The following GALNT17 variants were observed in gnomAD, a reference collection of about 807,000 sequenced individuals.
GALNT17 encodes the protein polypeptide N-acetylgalactosaminyltransferase 17.
GALNT17 carries 29 observed loss-of-function variants against 63.7 expected under a neutral mutation model. That is an observed-to-expected ratio of 0.46 (90% CI 0.34 to 0.62). The LOEUF (loss-of-function observed/expected upper bound fraction) is 0.62. GALNT17 is among the 20% of genes least tolerant of loss of function. GALNT17 has a pLI of 0.01. For missense variants in GALNT17, 603 were observed against 799.6 expected (o/e 0.75, Z 2.97); for synonymous variants, 305 against 318.3 (o/e 0.96, Z 0.45).
At chr7:71,612,372 A>G (rs996294831) in intron 6 of GALNT17, among the ~76,000 whole-genome samples, 1 of 152,214 alleles carries the variant, frequency 6.6e-6, no homozygotes, top group African/African-American at 2.4e-5. Flanking sequence ...AATATTTGTC[A>G]TTTTATATTG....
At chr7:71,599,087 T>C (rs1489677837) in intron 6 of GALNT17, among the ~76,000 whole-genome samples, 7 of 150,880 alleles carry the variant, frequency 4.6e-5, no homozygotes, top group Admixed American at 4.6e-4. Context: ...AGGCTGAGAG[T>C]GGTGAGGTTG....
At chr7:71,450,255 C>T (rs1787235983) in intron 5 of GALNT17, among the ~76,000 whole-genome samples, 1 of 151,678 alleles carries the variant, frequency 6.6e-6, no homozygotes, top group African/African-American at 2.4e-5. Context: ...CTTGCCTCAG[C>T]CTCGCGAGTA....
intron 1 of GALNT17, among the ~76,000 whole-genome samples, chr7:71,217,561 A>G (rs556115977): frequency 2.6e-5 from 4 of 151,464 alleles, no homozygotes; most frequent in East Asian, 1.9e-4. Flanking sequence ...TGTTGTTCTT[A>G]CCTCTATAAG....
intron 1 of GALNT17, among the ~76,000 whole-genome samples, chr7:71,177,407 TG>T (rs1788659681): frequency 6.6e-6 from 1 of 152,194 alleles, no homozygotes; most frequent in Non-Finnish European, 1.5e-5. Flanking sequence ...CCATTTTCCC[TG>T]GGTGGTCCTG....
rs114190489 is a variant in GALNT17 at position 71,416,309 on chromosome 7, C to T, written c.764+246C>T. ...CGTCATCATCATCGTCATCAAAATC[C>T]CCAGTGAAAATGTTTTATCAGGCTG... On this transcript the variant is annotated intron_variant, in intron 4 of 10. Transcript: ENST00000333538. Among the ~76,000 whole-genome samples, 386 of 152,174 alleles carry T rather than the reference C, an allele frequency of 2.5e-3. 4 individuals are homozygous for T. The highest frequency in any genetic ancestry group is 9.1e-3 in the African/African-American group (378 of 41,538).
At chr7:71,399,890 CAT>C (rs1201051475) in intron 3 of GALNT17, among the ~76,000 whole-genome samples, 1 of 152,038 alleles carries the variant, frequency 6.6e-6, no homozygotes, top group Non-Finnish European at 1.5e-5. Context: ...AATACTTTTT[CAT>C]ATGTTTATAT....
intron 6 of GALNT17, among the ~76,000 whole-genome samples, chr7:71,628,479 C>T (rs138676925): frequency 4.1e-4 from 63 of 152,140 alleles, no homozygotes; most frequent in African/African-American, 1.5e-3. Context: ...TGTACCACCA[C>T]GCCCAGCTAA....
chr7:71,363,005 C>T (rs61445616), intron 2 of GALNT17, among the ~76,000 whole-genome samples: 6,423 of 151,808 alleles, frequency 0.042, 240 homozygotes, highest in East Asian at 0.1. Flanking sequence ...CTCACATTGT[C>T]ACCCAGGCTG....
At chr7:71,236,748 T>C (rs1030220467) in intron 1 of GALNT17, among the ~76,000 whole-genome samples, 2 of 152,148 alleles carry the variant, frequency 1.3e-5, no homozygotes, top group Admixed American at 1.3e-4. Flanking sequence ...GCACCTGCCC[T>C]TGACCTCCCT....
At chr7:71,279,908 T>G (rs777897209) in intron 1 of GALNT17, among the ~76,000 whole-genome samples, 3 of 151,998 alleles carry the variant, frequency 2.0e-5, no homozygotes, top group Non-Finnish European at 4.4e-5. Context: ...GGGTTATACC[T>G]TTTATCAAAA....
intron 1 of GALNT17, among the ~76,000 whole-genome samples, chr7:71,311,115 G>A (rs1791407641): frequency 6.6e-6 from 1 of 152,206 alleles, no homozygotes; most frequent in South Asian, 2.1e-4. Flanking sequence ...AACCTGAGCT[G>A]CAGGAAGCTG....
At chr7:71,147,928 C>T (rs1788055612) in intron 1 of GALNT17, among the ~76,000 whole-genome samples, 1 of 152,104 alleles carries the variant, frequency 6.6e-6, no homozygotes, top group South Asian at 2.1e-4. Context: ...CTGCACCAGG[C>T]CTCTCCAAGG....
At chr7:71,349,141 C>G (rs1792146192) in intron 2 of GALNT17, among the ~76,000 whole-genome samples, 1 of 152,204 alleles carries the variant, frequency 6.6e-6, no homozygotes, top group Admixed American at 6.5e-5. Context: ...AATCACAACG[C>G]CTGTTTATGT....
intron 6 of GALNT17, among the ~76,000 whole-genome samples, chr7:71,630,830 A>G (rs1175216078): frequency 1.3e-5 from 2 of 152,218 alleles, no homozygotes; most frequent in East Asian, 1.9e-4. Flanking sequence ...CCCAAGGGAG[A>G]AGTGCCATTT....
chr7:71,421,195 G>A (rs2116454212), intron 5 of GALNT17, 90 bp downstream of exon 5: 1 of 1,423,936 alleles, frequency 7.0e-7, no homozygotes, highest in Non-Finnish European at 9.6e-7. Flanking sequence ...AGCCTGCCTT[G>A]GGCTCGAGCA....
rs117678963 is a variant in GALNT17, at chr7:71,427,735, A to G, written c.962+6630A>G. On this transcript the variant is annotated intron_variant, in intron 5 of 10. Transcript: ENST00000333538. Reference sequence around the variant, plus strand: ...AGCCTCACAGCAGGAGGTGAGTGGCAGGCGAGCGAGCAAGCAAAGCTTCAT... The same window carrying G: ...AGCCTCACAGCAGGAGGTGAGTGGCGGGCGAGCGAGCAAGCAAAGCTTCAT... 6.1e-4 allele frequency among the ~76,000 whole-genome samples: 93 copies of G among 152,160 alleles called. 1 individual carries two copies. The East Asian group carries it at 0.016, about 26-fold the overall frequency.
At chr7:71,418,096 G>A (rs1197915162) in intron 4 of GALNT17, among the ~76,000 whole-genome samples, 4 of 152,180 alleles carry the variant, frequency 2.6e-5, no homozygotes, top group Admixed American at 6.5e-5. Flanking sequence ...TCAGTGGTAA[G>A]GCTGGAAGAG....
intron 5 of GALNT17, among the ~76,000 whole-genome samples, chr7:71,442,697 A>G (rs1787089937): frequency 6.6e-6 from 1 of 152,252 alleles, no homozygotes; most frequent in Non-Finnish European, 1.5e-5. Context: ...TCATTAAGTC[A>G]TTCTGGTAGT....
At chr7:71,375,555 A>G (rs188861789) in intron 2 of GALNT17, among the ~76,000 whole-genome samples, 63 of 152,144 alleles carry the variant, frequency 4.1e-4, no homozygotes, top group Non-Finnish European at 2.2e-4. Context: ...AGTAGCTAAG[A>G]CTACAGGCAC....
Sources: gnomAD v4.1 joint callset for allele counts (sites outside exome capture counted in the v4.1 genomes callset) on GRCh38, gnomAD v4.1.1 for gene constraint, MANE v1.5 for transcripts, NCBI Gene and HGNC (gene_info 2026-07-23, HGNC 2026-07-21) for gene names.